UTP18: variants seen among roughly 807,000 people sequenced by gnomAD.
UTP18 encodes UTP18 small subunit processome component, also known as U3 small nucleolar RNA-associated protein 18 homolog.
Under a neutral mutation model 61.1 loss-of-function variants are expected in UTP18, and 36 were observed. The ratio of observed to expected loss-of-function variants is 0.59; its 90% CI spans 0.45 to 0.78. The LOEUF is 0.78. Ranked by LOEUF, UTP18 falls within the 30% of genes least tolerant of loss-of-function variation. UTP18 has a pLI of 0.00. For missense variants in UTP18, 753 were observed against 693.9 expected, an observed-to-expected ratio of 1.09 and a Z score of -0.96; for synonymous variants, 282 against 251.1, an observed-to-expected ratio of 1.12 and a Z score of -1.16.
At chr17:51,280,521 T>C (rs759518123) in intron 9 of UTP18, 42 bp downstream of exon 9, 1 of 1,604,934 alleles carries the variant, frequency 6.2e-7, no homozygotes, top group Non-Finnish European at 8.5e-7. Flanking sequence ...ATTTTTACAT[T>C]TTAAATTTTA....
In UTP18 at chr17:51,294,016, G is replaced by A. The variant is rs1346860536; in HGVS notation, c.1617G>A (p.Gly539=). 1 of 1,609,480 alleles carries A rather than the reference G, an allele frequency of 6.2e-7. No homozygotes were observed. The highest frequency in any genetic ancestry group is 8.5e-7 in the Non-Finnish European group (1 of 1,178,040). ...FSPRSGYFAL[G]NEKGKALMYR... ...CGAGAAGTGGATACTTTGCCTTGGG[G>A]AATGAAAAGGGCAAGGCCCTGATGT... is the stretch of plus-strand genomic sequence containing the variant. Residue 539 remains glycine (G), a synonymous_variant, in exon 12 of 14, where the codon GGG becomes GGA. Transcript: ENST00000225298.
At position 51,260,804 on chromosome 17, in the gene UTP18, C is replaced by A; in HGVS notation, c.220C>A (p.Gln74Lys). The change falls in exon 1 of 14, where the codon CAG becomes AAG. Residue 74 changes from glutamine (Q) to lysine (K), a missense_variant. By Grantham distance (53) the Gln-to-Lys change is moderately conservative (BLOSUM62 1). Coordinates refer to ENST00000225298, the MANE Select transcript of UTP18 (RefSeq NM_016001.3). ...GGCGGAGGAAGAGAGACGGCTCCGG[C>A]AGCGGAACCGCCTGAGGCTGGAGGA... Reference protein sequence around the residue: ...AAAEEERRLRQRNRLRLEEDK... With the variant: ...AAAEEERRLRKRNRLRLEEDK... 6.3e-7 allele frequency: 1 copy of A among 1,584,312 alleles called. No individual in the cohort carries two copies. Among genetic ancestry groups the A allele is most frequent in the South Asian group, 1.1e-5 (1 of 87,642 alleles).
At chr17:51,294,512 C>G (rs1191192912) in intron 12 of UTP18, among the ~76,000 whole-genome samples, 1 of 152,006 alleles carries the variant, frequency 6.6e-6, no homozygotes, top group African/African-American at 2.4e-5. Flanking sequence ...ATCCATGTCC[C>G]TAAAAAGGAC....
chr17:51,275,472 A>G (rs1389192312), intron 5 of UTP18, among the ~76,000 whole-genome samples: 1 of 152,206 alleles, frequency 6.6e-6, no homozygotes. Context: ...GAATGCAAAG[A>G]TGCCAGGTGC....
intron 3 of UTP18, 38 bp from the exon 4 acceptor site, chr17:51,268,798 TG>T (rs756624177): frequency 5.0e-5 from 77 of 1,542,800 alleles, no homozygotes; most frequent in Non-Finnish European, 4.6e-5. Flanking sequence ...GGACATGTAG[TG>T]GTTGCCATAA....
At chr17:51,270,875 G>A (rs930148678) in intron 4 of UTP18, among the ~76,000 whole-genome samples, 2 of 152,158 alleles carry the variant, frequency 1.3e-5, no homozygotes, top group Non-Finnish European at 2.9e-5. Context: ...GGATATGCTT[G>A]TCTAACACAT....
chr17:51,294,577 A>G (rs997186189), intron 12 of UTP18, among the ~76,000 whole-genome samples: 9 of 151,802 alleles, frequency 5.9e-5, no homozygotes, highest in Non-Finnish European at 7.4e-5. Context: ...TATGTGCCAC[A>G]TTTTCTTAAT....
At position 51,260,628 on chromosome 17, in the gene UTP18, C is replaced by T. The variant is rs376256071; in HGVS notation, c.44C>T (p.Thr15Ile). ...AGACGAATGAAACTGGACCGGAGAA[C>T]CGGAGCGAAGCCGAAGCGGAAGCCC... Reference protein sequence around the residue: ...RRRRMKLDRRTGAKPKRKPGM... With the variant: ...RRRRMKLDRRIGAKPKRKPGM... The change falls in exon 1 of 14, where the codon ACC becomes ATC. Residue 15 changes from threonine (T) to isoleucine (I), a missense_variant. Physicochemically the swap from Thr to Ile is moderately conservative, Grantham distance 89 (BLOSUM62 -1). Coordinates refer to ENST00000225298, the MANE Select transcript of UTP18 (RefSeq NM_016001.3). 2 of 1,612,678 alleles carry T rather than the reference C, an allele frequency of 1.2e-6. No homozygotes were observed. The highest frequency in any genetic ancestry group is 1.1e-5 in the South Asian group (1 of 91,074).
chr17:51,281,846 A>G (rs1186549142), intron 9 of UTP18, among the ~76,000 whole-genome samples: 1 of 152,260 alleles, frequency 6.6e-6, no homozygotes, highest in Admixed American at 6.5e-5. Flanking sequence ...TAAGGCAGAC[A>G]TTATTTAAAA....
chr17:51,260,607 G>T lies in UTP18; in HGVS notation c.23G>T (p.Arg8Leu), dbSNP rs376900305. ...ACGATGCCGCCGGAGCGGAGGAGAC[G>T]AATGAAACTGGACCGGAGAACCGGA... Reference protein sequence around the residue: MPPERRRRMKLDRRTGAK... With the variant: MPPERRRLMKLDRRTGAK... Residue 8 changes from arginine (R) to leucine (L), a missense_variant, in exon 1 of 14, where the codon CGA becomes CTA. Transcript: ENST00000225298. 6 of 1,612,488 alleles carry T rather than the reference G, an allele frequency of 3.7e-6. No individual in the cohort carries two copies. The highest frequency in any genetic ancestry group is 2.7e-5 in the African/African-American group (2 of 74,882).
rs574821112 is a variant in UTP18 at position 51,260,926 on chromosome 17, G to T, written c.342G>T (p.Arg114Ser). 8.0e-5 allele frequency: 124 copies of T among 1,554,156 alleles called. 1 individual carries two copies. In the South Asian group the frequency reaches 1.4e-3, roughly 18 times the overall value. The stretch of plus-strand genomic sequence containing the variant: ...TGCTGCGGCGTCTGCGAGGCCCGAG[G>T]GTGAGGGAGGCCGCGGCGCGCGGGC... Reference protein sequence around the residue: ...DALLRRLRGPRVQEHEDSGDS... With the variant: ...DALLRRLRGPSVQEHEDSGDS... The change falls in exon 1 of 14, where the codon AGG (arginine) becomes AGT (serine). Residue 114 changes from arginine (R) to serine (S), a missense_variant and splice_region_variant. Coordinates refer to ENST00000225298, the MANE Select transcript of UTP18 (RefSeq NM_016001.3).
Position 51,266,801 on chromosome 17 carries a change from TGTTA to T in UTP18, c.554+525_554+528del, listed in dbSNP as rs1487483060. On this transcript the variant is annotated intron_variant, in intron 3 of 13. Transcript: ENST00000225298. ...AAATTAACAGTTTACGGCTAGTCCA[TGTTA>T]GTTTCTCCAATTGTTGTAAGGTGCA... Among the ~76,000 whole-genome samples, 6 of 152,198 alleles carry T rather than the reference TGTTA, an allele frequency of 3.9e-5. No homozygotes were observed. The East Asian group carries it at 5.8e-4, about 15-fold the overall frequency.
intron 9 of UTP18, among the ~76,000 whole-genome samples, chr17:51,280,778 A>G (rs958379646): frequency 6.6e-6 from 1 of 151,964 alleles, no homozygotes; most frequent in Non-Finnish European, 1.5e-5. Flanking sequence ...GGGCCACTGC[A>G]CTCTAGCCTG....
At chr17:51,272,091 T>G (rs1266271791) in intron 4 of UTP18, among the ~76,000 whole-genome samples, 5 of 152,042 alleles carry the variant, frequency 3.3e-5, no homozygotes, top group East Asian at 3.9e-4. Context: ...CATAGTTTTT[T>G]TTGTTGTTGT....
intron 4 of UTP18, among the ~76,000 whole-genome samples, chr17:51,269,416 T>G (rs1904435151): frequency 6.6e-6 from 1 of 151,976 alleles, no homozygotes; most frequent in African/African-American, 2.4e-5. Context: ...GTTTAGCTAT[T>G]ATAAATATGG....
chr17:51,260,555 G>C lies in UTP18; in HGVS notation c.-30G>C. 1.3e-6 allele frequency: 2 copies of C among 1,595,928 alleles called. No homozygotes were observed. The highest frequency in any genetic ancestry group is 1.7e-6 in the Non-Finnish European group (2 of 1,173,144). ...GCGCATGCGCAGCGAGGTTCCACGT[G>C]AGCGCCTGCGTTTCTCCTCAAACCT... On this transcript the variant is annotated 5_prime_UTR_variant, in exon 1 of 14. Coordinates refer to ENST00000225298, the MANE Select transcript of UTP18 (RefSeq NM_016001.3).
intron 6 of UTP18, among the ~76,000 whole-genome samples, chr17:51,276,712 G>A (rs78081679): frequency 1.3e-5 from 2 of 152,208 alleles, no homozygotes; most frequent in African/African-American, 4.8e-5. Context: ...CACAGTATCT[G>A]CTCTTGGATA....
intron 9 of UTP18, 50 bp downstream of exon 9, chr17:51,280,529 T>A: frequency 6.3e-7 from 1 of 1,592,076 alleles, no homozygotes; most frequent in Non-Finnish European, 8.6e-7. Flanking sequence ...ATTTTAAATT[T>A]TAGGCCAGGC....
At chr17:51,261,928 G>T (rs1370862422) in intron 1 of UTP18, among the ~76,000 whole-genome samples, 3 of 152,106 alleles carry the variant, frequency 2.0e-5, no homozygotes, top group Non-Finnish European at 4.4e-5. Flanking sequence ...ACTGTGCGAC[G>T]GTTTTGTCGT....
Sources: allele counts gnomAD v4.1 joint callset (sites outside exome capture counted in the v4.1 genomes callset), GRCh38; gene constraint gnomAD v4.1.1; transcripts MANE v1.5; gene names NCBI Gene and HGNC (gene_info 2026-07-23, HGNC 2026-07-21).